COX4I1: variants seen among roughly 807,000 people sequenced by gnomAD.
COX4I1 encodes cytochrome c oxidase subunit 4 isoform 1, mitochondrial.
COX4I1 carries 18 observed loss-of-function variants against 21.7 expected under a neutral mutation model. That is an observed-to-expected ratio of 0.83 (90% CI 0.57 to 1.23). The LOEUF (loss-of-function observed/expected upper bound fraction) is 1.23. Among genes scored for constraint, COX4I1 ranks in the 50% most tolerant of loss-of-function variants. The pLI is 0.00. For missense variants in COX4I1, 238 were observed against 220.7 expected, an observed-to-expected ratio of 1.08 and a Z score of -0.50; for synonymous variants, 100 against 81.5, an observed-to-expected ratio of 1.23 and a Z score of -1.23.
chr16:85,805,232 T>G, intron 3 of COX4I1, 128 bp downstream of exon 3: 1 of 974,300 alleles, frequency 1.0e-6, no homozygotes, highest in Non-Finnish European at 1.5e-6. Context: ...TCTGCTGGGT[T>G]TCGGGGTCAC....
At chr16:85,802,489 G>A (rs879685103) in intron 2 of COX4I1, among the ~76,000 whole-genome samples, 4 of 152,216 alleles carry the variant, frequency 2.6e-5, no homozygotes, top group African/African-American at 9.6e-5. Context: ...TCTTAGACAA[G>A]TCTTCTCTGT....
At chr16:85,801,088 C>G in intron 1 of COX4I1, 117 bp from the exon 2 acceptor site, 1 of 726,570 alleles carries the variant, frequency 1.4e-6, no homozygotes. Flanking sequence ...AAGAATGGAT[C>G]ATTTGCGTTG....
At chr16:85,805,936 TC>T in intron 4 of COX4I1, 72 bp downstream of exon 4, 3 of 1,596,460 alleles carry the variant, frequency 1.9e-6, no homozygotes, top group Non-Finnish European at 1.7e-6. Context: ...TGGTGGGCTG[TC>T]GGGGACCTCC....
At chr16:85,800,076 C>G (rs552485272) in intron 1 of COX4I1, among the ~76,000 whole-genome samples, 1 of 150,994 alleles carries the variant, frequency 6.6e-6, no homozygotes, top group Non-Finnish European at 1.5e-5. Context: ...TGCCTGCAGC[C>G]TCCGCCCTTG....
intron 4 of COX4I1, chr16:85,806,224 G>C (rs1208870248): frequency 1.7e-6 from 1 of 590,478 alleles, no homozygotes; most frequent in African/African-American, 1.9e-5. Flanking sequence ...TTGAATGACT[G>C]TCTGGACTGT....
At chr16:85,803,416 T>C (rs2599084) in intron 2 of COX4I1, 148,467 of 152,312 alleles carry the variant, frequency 0.97, 72,465 homozygotes, top group Middle Eastern at 1. Context: ...ATGATTTGGG[T>C]GATTTTAGTC....
At position 85,806,229 on chromosome 16, in the gene COX4I1, G is replaced by C. The variant is rs145554841; in HGVS notation, c.373+365G>C. 1,617 of 591,928 alleles carry C rather than the reference G, an allele frequency of 2.7e-3. 11 individuals carry two copies. Among genetic ancestry groups the C allele is most frequent in the Non-Finnish European group, 2.9e-3 (966 of 333,416 alleles). The allele number at this position is 591,928 out of a possible 1,614,324, so 36.7% of individuals were successfully genotyped here. A position where few individuals can be genotyped will look rare whatever the true frequency, so the allele number is the denominator to read the frequency against. ...GACTCATTCATTGAATGACTGTCTG[G>C]ACTGTTGTGAGGACTGCATCTCAAC... On this transcript the variant is annotated intron_variant, in intron 4 of 4. Coordinates refer to ENST00000253452, the MANE Select transcript of COX4I1 (RefSeq NM_001861.6).
chr16:85,801,672 C>T (rs1401979111), intron 2 of COX4I1, among the ~76,000 whole-genome samples: 2 of 152,116 alleles, frequency 1.3e-5, no homozygotes, highest in Non-Finnish European at 2.9e-5. Context: ...AACGAAAGAG[C>T]CTGGACTTCC....
chr16:85,803,215 G>T (rs1031375715), intron 2 of COX4I1: 1 of 152,146 alleles, frequency 6.6e-6, no homozygotes, highest in Admixed American at 6.5e-5. Flanking sequence ...CATTTTCATA[G>T]AATTAGGGTT....
At chr16:85,801,039 C>T (rs1905698691) in intron 1 of COX4I1, 166 bp from the exon 2 acceptor site, 1 of 543,688 alleles carries the variant, frequency 1.8e-6, no homozygotes, top group Non-Finnish European at 3.4e-6. Flanking sequence ...TAAGAAAAAC[C>T]TCATCCTAGG....
In COX4I1 at chr16:85,804,924, A is replaced by T; in HGVS notation, c.74-13A>T. 1 of 1,595,696 alleles carries T rather than the reference A, an allele frequency of 6.3e-7. No individual in the cohort carries two copies. The highest frequency in any genetic ancestry group is 2.2e-5 in the East Asian group (1 of 44,674). On this transcript the variant is annotated splice_polypyrimidine_tract_variant and intron_variant, in intron 2 of 4. Coordinates refer to ENST00000253452, the MANE Select transcript of COX4I1 (RefSeq NM_001861.6). ...ACATGGATTTTCAAAGATTTATTCA[A>T]TATGTTTTTCAGAAAGTGTTGTGAA...
intron 4 of COX4I1, chr16:85,806,356 A>G (rs1467426732): frequency 3.0e-6 from 2 of 659,438 alleles, no homozygotes; most frequent in Non-Finnish European, 5.5e-6. Context: ...CTGTCCAGGC[A>G]GAACAGGCAT....
At chr16:85,801,937 A>G (rs760563101) in intron 2 of COX4I1, among the ~76,000 whole-genome samples, 1 of 152,074 alleles carries the variant, frequency 6.6e-6, no homozygotes, top group African/African-American at 2.4e-5. Flanking sequence ...GGGTGAAGAC[A>G]GTGTTTTATT....
At position 85,806,956 on chromosome 16, in the gene COX4I1, T is replaced by G. The variant is rs1357444452; in HGVS notation, c.*82T>G. 6.8e-6 allele frequency: 10 copies of G among 1,470,030 alleles called. No homozygotes were observed. Among genetic ancestry groups the G allele is most frequent in the African/African-American group, 2.8e-5 (2 of 71,752 alleles). 91.1% of individuals were successfully genotyped at this position (1,470,030 alleles called of 1,614,324 possible). On this transcript the variant is annotated 3_prime_UTR_variant, in exon 5 of 5. Transcript: ENST00000253452. The stretch of plus-strand genomic sequence containing the variant: ...ATGCCTATTTACTGGAAACCTGTTA[T>G]GCCAAACAGTTGTACCACTGCTAAT...
intron 2 of COX4I1, chr16:85,803,740 C>G (rs1404384563): frequency 6.6e-6 from 1 of 152,190 alleles, no homozygotes; most frequent in Non-Finnish European, 1.5e-5. Flanking sequence ...TTTCGTTACG[C>G]GTATGTGAGT....
Position 85,804,938 on chromosome 16 carries a change from A to C in COX4I1, c.75A>C (p.Glu25Asp), listed in dbSNP as rs957691740. 1.3e-6 allele frequency: 2 copies of C among 1,599,620 alleles called. No homozygotes were observed. Among genetic ancestry groups the C allele is most frequent in the Admixed American group, 1.8e-5 (1 of 56,604 alleles). The change falls in exon 3 of 5, where the codon GAA becomes GAC. Residue 25 changes from glutamate to aspartate, a missense_variant and splice_region_variant. By Grantham distance (45) the Glu-to-Asp change is conservative. Transcript: ENST00000253452. ...AGATTTATTCAATATGTTTTTCAGA[A>C]AGTGTTGTGAAGAGCGAAGACTTTT... is the stretch of plus-strand genomic sequence containing the variant. ...ISTSVCVRAHESVVKSEDFSL... is the reference protein window; with the variant it reads ...ISTSVCVRAHDSVVKSEDFSL...
chr16:85,802,557 A>G (rs60968993), intron 2 of COX4I1, among the ~76,000 whole-genome samples: 1 of 144,204 alleles, frequency 6.9e-6, no homozygotes, highest in Non-Finnish European at 1.5e-5. Flanking sequence ...TCTCAACATA[A>G]GATATTAAAG....
chr16:85,805,156 G>C, intron 3 of COX4I1, 52 bp downstream of exon 3: 1 of 1,551,370 alleles, frequency 6.4e-7, no homozygotes, highest in Non-Finnish European at 8.7e-7. Flanking sequence ...GGAAGCGTGT[G>C]TGTGACAGAG....
Position 85,806,968 on chromosome 16 carries a change from G to T in COX4I1, c.*94G>T. ...TGGAAACCTGTTATGCCAAACAGTT[G>T]TACCACTGCTAATAAATGACCAGTT... On this transcript the variant is annotated 3_prime_UTR_variant, in exon 5 of 5. Transcript: ENST00000253452. 5.2e-6 allele frequency: 7 copies of T among 1,349,146 alleles called. No homozygotes were observed. The highest frequency in any genetic ancestry group is 7.2e-6 in the Non-Finnish European group (7 of 978,614). 83.6% of individuals were successfully genotyped at this position (1,349,146 alleles called of 1,614,324 possible). A position where few individuals can be genotyped will look rare whatever the true frequency, so the allele number is the denominator to read the frequency against.
Sources: allele counts gnomAD v4.1 joint callset (sites outside exome capture counted in the v4.1 genomes callset), GRCh38; gene constraint gnomAD v4.1.1; transcripts MANE v1.5; gene names NCBI Gene and HGNC (gene_info 2026-07-23, HGNC 2026-07-21).